IQCM: variants seen among roughly 807,000 people sequenced by gnomAD.
IQCM encodes the protein IQ domain-containing protein M.
Under a neutral mutation model 57.6 loss-of-function variants are expected in IQCM, and 45 were observed. That is an observed-to-expected ratio of 0.78 (90% CI 0.62 to 1.00). The LOEUF (loss-of-function observed/expected upper bound fraction) is 1.00, where lower values mean the gene tolerates loss of function less well. IQCM is among the 50% of genes least tolerant of loss of function. IQCM has a pLI of 0.00. For missense variants in IQCM, 468 were observed against 511.6 expected (o/e 0.91, Z 0.82); for synonymous variants, 148 against 158.9 (o/e 0.93, Z 0.51).
Position 149,725,072 on chromosome 4 carries a change from G to A in IQCM, c.385+8172C>T, listed in dbSNP as rs892755446. On this transcript the variant is annotated intron_variant, in intron 5 of 13. Coordinates refer to ENST00000636793, the MANE Select transcript of IQCM (RefSeq NM_001363507.2). ...ACTGCTGTATCAAAACTATGGGCAT[G>A]TATTTACAGGCAAGCACAAAGAAGA... Among the ~76,000 whole-genome samples the A allele has an allele frequency of 2.6e-5, 4 of 152,214 alleles. No individual in the cohort carries two copies. The South Asian group carries it at 6.2e-4, about 24-fold the overall frequency.
At chr4:149,606,580 A>C (rs913819443) in intron 8 of IQCM, among the ~76,000 whole-genome samples, 1 of 152,228 alleles carries the variant, frequency 6.6e-6, no homozygotes. Context: ...ACCAGTGATC[A>C]ATCCTGGAGT....
chr4:149,454,706 C>T (rs1737497020), intron 12 of IQCM, among the ~76,000 whole-genome samples: 1 of 151,982 alleles, frequency 6.6e-6, no homozygotes. Context: ...CATGCTACAA[C>T]ATGAATAAAC....
rs1767568696 is a variant in IQCM at position 149,742,666 on chromosome 4, T to G, written c.26A>C (p.Glu9Ala). 8.1e-7 allele frequency: 1 copy of G among 1,231,390 alleles called. No individual in the cohort carries two copies. Among genetic ancestry groups the G allele is most frequent in the African/African-American group, 1.6e-5 (1 of 64,388 alleles). The allele number at this position is 1,231,390 out of a possible 1,614,324, so 76.3% of individuals were successfully genotyped here. A position where few individuals can be genotyped will look rare whatever the true frequency, so the allele number is the denominator to read the frequency against. The part of the protein sequence containing the change: MTTEEAMP[E>A]KAKCPTLEIT... ...GCACAGATACTCACATTTTGCTTTT[T>G]CAGGCATAGCCTCTTCAGTAGTCAT... The change falls in exon 3 of 14, where the codon GAA becomes GCA. Residue 9 changes from glutamate to alanine, a missense_variant. Coordinates refer to ENST00000636793, the MANE Select transcript of IQCM (RefSeq NM_001363507.2).
At chr4:149,418,556 T>G (rs1393371633) in intron 13 of IQCM, among the ~76,000 whole-genome samples, 1 of 151,992 alleles carries the variant, frequency 6.6e-6, no homozygotes, top group African/African-American at 2.4e-5. Context: ...CTCCAAAGAA[T>G]TGAAAAGAAG....
chr4:149,637,576 C>T (rs551767117), intron 7 of IQCM, among the ~76,000 whole-genome samples: 15 of 152,112 alleles, frequency 9.9e-5, no homozygotes, highest in Middle Eastern at 3.4e-3. Context: ...ATAGCTAAAA[C>T]AATCTTAAAA....
Position 149,767,857 on chromosome 4 carries a change from C to T in IQCM, c.-48-25118G>A, listed in dbSNP as rs142466761. Reference sequence around the variant, plus strand: ...CTGAAAAATACAAAGAGAATAAATACGACTGTAGAGGAACTATAGACACAT... The same window carrying T: ...CTGAAAAATACAAAGAGAATAAATATGACTGTAGAGGAACTATAGACACAT... On this transcript the variant is annotated intron_variant, in intron 2 of 13. Coordinates refer to ENST00000636793, the MANE Select transcript of IQCM (RefSeq NM_001363507.2). 8.8e-3 allele frequency among the ~76,000 whole-genome samples: 1,342 copies of T among 152,002 alleles called. 12 individuals carry two copies. The highest frequency in any genetic ancestry group is 0.012 in the Non-Finnish European group (844 of 67,914).
chr4:149,607,606 A>G (rs79793709), intron 8 of IQCM, among the ~76,000 whole-genome samples: 2,610 of 152,122 alleles, frequency 0.017, 77 homozygotes, highest in African/African-American at 0.06. Context: ...TAAAAGATAA[A>G]TAGAGATAAC....
chr4:149,611,097 A>T (rs1242572875), intron 8 of IQCM, among the ~76,000 whole-genome samples: 2 of 152,110 alleles, frequency 1.3e-5, no homozygotes, highest in African/African-American at 4.8e-5. Context: ...ACGGTCAAGT[A>T]TATAAAAAAT....
chr4:149,533,190 T>C (rs1310916349), intron 12 of IQCM, among the ~76,000 whole-genome samples: 1 of 152,054 alleles, frequency 6.6e-6, no homozygotes, highest in Non-Finnish European at 1.5e-5. Flanking sequence ...AGGTAGAAAA[T>C]GTGTCATTTG....
chr4:149,355,415 C>T (rs1728893414), intron 13 of IQCM, among the ~76,000 whole-genome samples: 1 of 135,008 alleles, frequency 7.4e-6, no homozygotes, highest in South Asian at 2.5e-4. Flanking sequence ...CACAACAGGC[C>T]CCAGCGTGTG....
chr4:149,554,634 A>T (rs1156770287), intron 10 of IQCM, among the ~76,000 whole-genome samples: 2 of 149,474 alleles, frequency 1.3e-5, no homozygotes, highest in East Asian at 4.1e-4. Flanking sequence ...CCATTCTACA[A>T]GATTTTTTGT....
chr4:149,583,560 A>G (rs530425869), intron 9 of IQCM, among the ~76,000 whole-genome samples: 133 of 151,690 alleles, frequency 8.8e-4, no homozygotes, highest in Non-Finnish European at 1.7e-3. Flanking sequence ...TAATCTACAA[A>G]GCATTAGCAG....
chr4:149,627,108 A>G (rs972960060), intron 7 of IQCM, among the ~76,000 whole-genome samples: 6 of 152,282 alleles, frequency 3.9e-5, no homozygotes, highest in Middle Eastern at 6.8e-3. Context: ...ATACAGCCCT[A>G]TGGAAAGGAA....
At chr4:149,466,254 T>C (rs528061392) in intron 12 of IQCM, among the ~76,000 whole-genome samples, 43 of 152,330 alleles carry the variant, frequency 2.8e-4, no homozygotes, top group African/African-American at 9.6e-4. Context: ...GGAAGTACAC[T>C]GAATATATCA....
At chr4:149,525,732 A>G (rs1560950345) in intron 12 of IQCM, among the ~76,000 whole-genome samples, 2 of 151,924 alleles carry the variant, frequency 1.3e-5, no homozygotes, top group Admixed American at 6.6e-5. Context: ...AAAAAAGGTA[A>G]ACCAAAAGTG....
chr4:149,480,593 A>G (rs1311773468), intron 12 of IQCM, among the ~76,000 whole-genome samples: 1 of 152,170 alleles, frequency 6.6e-6, no homozygotes. Context: ...ACAGGATCTC[A>G]TTCTTTCTTA....
At chr4:149,566,496 G>A (rs1750644832) in intron 9 of IQCM, among the ~76,000 whole-genome samples, 1 of 152,094 alleles carries the variant, frequency 6.6e-6, no homozygotes, top group Admixed American at 6.6e-5. Flanking sequence ...GTGTGTGTGT[G>A]CGTGTGTGTA....
chr4:149,464,968 G>A (rs1270473742), intron 12 of IQCM, among the ~76,000 whole-genome samples: 5 of 152,148 alleles, frequency 3.3e-5, no homozygotes, highest in Non-Finnish European at 7.4e-5. Context: ...TCTAGATGAA[G>A]AGTGTGTACA....
chr4:149,777,873 T>C (rs868306149), intron 2 of IQCM, among the ~76,000 whole-genome samples: 6 of 151,824 alleles, frequency 4.0e-5, no homozygotes, highest in Non-Finnish European at 7.4e-5. Flanking sequence ...ATCTCAGACT[T>C]GGAAGTAAAG....
Sources: gnomAD v4.1 joint callset for allele counts (sites outside exome capture counted in the v4.1 genomes callset) on GRCh38, gnomAD v4.1.1 for gene constraint, MANE v1.5 for transcripts, NCBI Gene and HGNC (gene_info 2026-07-23, HGNC 2026-07-21) for gene names.